GPATCH2: variants seen among roughly 807,000 people sequenced by gnomAD.
GPATCH2 encodes the protein G patch domain-containing protein 2.
Under a neutral mutation model 58.0 loss-of-function variants are expected in GPATCH2, and 51 were observed. The observed-to-expected ratio is 0.88, with a 90% CI of 0.70 to 1.11. The LOEUF (loss-of-function observed/expected upper bound fraction) is 1.11. Ranked by LOEUF, GPATCH2 falls within the 50% of genes most tolerant of loss-of-function variation. The probability of loss-of-function intolerance (pLI) is 0.00; values close to 1 mark genes in which losing one functional copy is unlikely to be tolerated. For missense variants in GPATCH2, 625 were observed against 652.2 expected (o/e 0.96, Z 0.45); for synonymous variants, 222 against 218.5 (o/e 1.02, Z -0.14).
chr1:217,501,655 C>T (rs1474337794), intron 6 of GPATCH2, among the ~76,000 whole-genome samples: 1 of 152,092 alleles, frequency 6.6e-6, no homozygotes, highest in East Asian at 1.9e-4. Context: ...GTAGTGATAT[C>T]TCATTGTGGT....
intron 5 of GPATCH2, among the ~76,000 whole-genome samples, chr1:217,551,561 T>A (rs934039589): frequency 2.6e-5 from 4 of 152,232 alleles, no homozygotes; most frequent in South Asian, 2.1e-4. Flanking sequence ...TAATAATATT[T>A]TAACCTTGAA....
intron 5 of GPATCH2, among the ~76,000 whole-genome samples, chr1:217,582,213 T>C (rs563737468): frequency 6.6e-6 from 1 of 152,304 alleles, no homozygotes; most frequent in African/African-American, 2.4e-5. Flanking sequence ...CCGCTGCATC[T>C]CTTATTTAAC....
chr1:217,547,574 T>C (rs1474798868), intron 5 of GPATCH2, among the ~76,000 whole-genome samples: 2 of 152,190 alleles, frequency 1.3e-5, no homozygotes, highest in African/African-American at 4.8e-5. Flanking sequence ...CATGCATGCG[T>C]ATGTTCACTG....
chr1:217,600,791 TGAAA>T (rs1363674956), intron 5 of GPATCH2, among the ~76,000 whole-genome samples: 1 of 152,146 alleles, frequency 6.6e-6, no homozygotes, highest in Non-Finnish European at 1.5e-5. Flanking sequence ...GCCTTAATTT[TGAAA>T]GAAAGAGCAT....
intron 5 of GPATCH2, among the ~76,000 whole-genome samples, chr1:217,589,313 CCATG>C (rs1667485533): frequency 6.6e-6 from 1 of 151,644 alleles, no homozygotes; most frequent in South Asian, 2.1e-4. Context: ...CTAGAAGACA[CCATG>C]CTGCTTTATG....
At chr1:217,445,617 T>C (rs1461935946) in intron 9 of GPATCH2, among the ~76,000 whole-genome samples, 2 of 152,084 alleles carry the variant, frequency 1.3e-5, no homozygotes, top group African/African-American at 2.4e-5. Context: ...TTATGTGACT[T>C]TGAATGACGC....
At chr1:217,587,514 T>C (rs1667396466) in intron 5 of GPATCH2, among the ~76,000 whole-genome samples, 2 of 152,124 alleles carry the variant, frequency 1.3e-5, no homozygotes, top group Non-Finnish European at 2.9e-5. Context: ...GGAGAACCAA[T>C]GAAAATTTTT....
At chr1:217,616,147 T>C (rs958357701) in intron 2 of GPATCH2, among the ~76,000 whole-genome samples, 2 of 152,158 alleles carry the variant, frequency 1.3e-5, no homozygotes, top group African/African-American at 4.8e-5. Context: ...ATTTGGGATA[T>C]ATGGGAATGT....
chr1:217,476,326 T>C (rs1660968609), intron 8 of GPATCH2, among the ~76,000 whole-genome samples: 1 of 151,356 alleles, frequency 6.6e-6, no homozygotes, highest in African/African-American at 2.4e-5. Context: ...TGGAGCAAGA[T>C]GGCAGAATAG....
intron 5 of GPATCH2, among the ~76,000 whole-genome samples, chr1:217,589,287 T>C (rs972056360): frequency 2.0e-5 from 3 of 149,260 alleles, no homozygotes; most frequent in Non-Finnish European, 4.5e-5. Flanking sequence ...CCATCACCTC[T>C]TCCTTACATT....
chr1:217,548,623 C>A (rs1038434772), intron 5 of GPATCH2, among the ~76,000 whole-genome samples: 16 of 152,146 alleles, frequency 1.1e-4, no homozygotes, highest in African/African-American at 3.9e-4. Flanking sequence ...TGTGTCCCCA[C>A]CCAAATCTCA....
chr1:217,486,040 A>G (rs1661438290), intron 8 of GPATCH2, among the ~76,000 whole-genome samples: 1 of 152,220 alleles, frequency 6.6e-6, no homozygotes, highest in South Asian at 2.1e-4. Context: ...TATGAAATTT[A>G]GAATTAGCTT....
At chr1:217,508,327 T>C (rs1662662709) in intron 6 of GPATCH2, among the ~76,000 whole-genome samples, 2 of 152,114 alleles carry the variant, frequency 1.3e-5, no homozygotes, top group African/African-American at 4.8e-5. Flanking sequence ...AAACTCGATA[T>C]TTACACAAAA....
At chr1:217,514,212 T>G (rs1480355665) in intron 6 of GPATCH2, among the ~76,000 whole-genome samples, 4 of 151,332 alleles carry the variant, frequency 2.6e-5, no homozygotes, top group African/African-American at 7.3e-5. Context: ...CAGGCTGGAG[T>G]GCAGTGGCAT....
At chr1:217,597,735 A>C (rs1667911032) in intron 5 of GPATCH2, among the ~76,000 whole-genome samples, 2 of 152,148 alleles carry the variant, frequency 1.3e-5, no homozygotes, top group African/African-American at 4.8e-5. Flanking sequence ...CTGCACAATG[A>C]ATGCTCCCTG....
intron 1 of GPATCH2, among the ~76,000 whole-genome samples, chr1:217,628,280 C>T (rs1669556788): frequency 6.6e-6 from 1 of 152,042 alleles, no homozygotes; most frequent in African/African-American, 2.4e-5. Flanking sequence ...TTTTCTGCTA[C>T]ATTAACAAGC....
At chr1:217,503,663 G>A (rs1662410900) in intron 6 of GPATCH2, among the ~76,000 whole-genome samples, 1 of 152,042 alleles carries the variant, frequency 6.6e-6, no homozygotes, top group East Asian at 1.9e-4. Context: ...AGAGTATTAG[G>A]TTGTGGTAAG....
At chr1:217,499,733 CTTTT>C (rs531197050) in intron 6 of GPATCH2, among the ~76,000 whole-genome samples, 3 of 141,160 alleles carry the variant, frequency 2.1e-5, no homozygotes, top group Non-Finnish European at 3.1e-5. Flanking sequence ...TGGATTGTGC[CTTTT>C]TTTTTTTTTT....
chr1:217,562,811 C>A (rs1027497948), intron 5 of GPATCH2, among the ~76,000 whole-genome samples: 3 of 152,138 alleles, frequency 2.0e-5, no homozygotes, highest in Non-Finnish European at 2.9e-5. Flanking sequence ...CTCTCTAATT[C>A]ATGCAGTTGT....
Sources: allele counts gnomAD v4.1 joint callset (sites outside exome capture counted in the v4.1 genomes callset), GRCh38; gene constraint gnomAD v4.1.1; transcripts MANE v1.5; gene names NCBI Gene and HGNC (gene_info 2026-07-23, HGNC 2026-07-21).